The following KCNQ5 variants were observed in gnomAD, a reference collection of about 807,000 sequenced individuals.
The protein encoded by KCNQ5 is potassium voltage-gated channel subfamily KQT member 5.
In KCNQ5, 30 loss-of-function variants were observed where a neutral mutation model predicts 98.2. The ratio of observed to expected loss-of-function variants is 0.31; its 90% CI spans 0.23 to 0.41. The LOEUF (loss-of-function observed/expected upper bound fraction) is 0.41, where lower values mean the gene tolerates loss of function less well. KCNQ5 is among the 10% of genes least tolerant of loss of function. The pLI is 1.00. For missense variants in KCNQ5, 835 were observed against 1,182.5 expected, an observed-to-expected ratio of 0.71 and a Z score of 4.31; for synonymous variants, 458 against 449.4, an observed-to-expected ratio of 1.02 and a Z score of -0.24.
chr6:73,004,430 G>A (rs1325901573), intron 2 of KCNQ5, among the ~76,000 whole-genome samples: 4 of 152,108 alleles, frequency 2.6e-5, no homozygotes, highest in Non-Finnish European at 4.4e-5. Flanking sequence ...TGAACATATG[G>A]CACCTCATAA....
rs138376795 is a variant in KCNQ5 at position 72,972,304 on chromosome 6, A to G, written c.399-31604A>G. ...TTTACTAGTGAATAGATGAATATCT[A>G]CTTGCCATTAAATATAGCAATTAAC... On this transcript the variant is annotated intron_variant, in intron 1 of 13. Coordinates refer to ENST00000370398, the MANE Select transcript of KCNQ5 (RefSeq NM_019842.4). Among the ~76,000 whole-genome samples, 7 of 152,314 alleles carry G rather than the reference A, an allele frequency of 4.6e-5. No homozygotes were observed. In the East Asian group the frequency reaches 1.3e-3, roughly 29 times the overall value.
chr6:72,822,284 T>C (rs1186412524), intron 1 of KCNQ5, among the ~76,000 whole-genome samples: 3 of 152,236 alleles, frequency 2.0e-5, no homozygotes, highest in East Asian at 3.8e-4. Flanking sequence ...GGTCAGCATC[T>C]GCCACTGTAT....
chr6:72,976,191 T>C lies in KCNQ5; in HGVS notation c.399-27717T>C, dbSNP rs182240743. Among the ~76,000 whole-genome samples the C allele has an allele frequency of 7.5e-3, 1,147 of 152,344 alleles. 9 individuals carry two copies. The highest frequency in any genetic ancestry group is 0.012 in the Non-Finnish European group (787 of 68,028). On this transcript the variant is annotated intron_variant, in intron 1 of 13. Coordinates refer to ENST00000370398, the MANE Select transcript of KCNQ5 (RefSeq NM_019842.4). Reference sequence around the variant, plus strand: ...TGTACTCCAGAGTTTCTATTTTTCATTTTCAGATAATGTAATGGTTATTAT... The same window carrying C: ...TGTACTCCAGAGTTTCTATTTTTCACTTTCAGATAATGTAATGGTTATTAT...
intron 1 of KCNQ5, among the ~76,000 whole-genome samples, chr6:72,973,900 A>G (rs9446800): frequency 0.053 from 8,085 of 152,292 alleles, 727 homozygotes; most frequent in African/African-American, 0.19. Flanking sequence ...AACATTCAAC[A>G]GTGTACATAA....
intron 1 of KCNQ5, among the ~76,000 whole-genome samples, chr6:72,972,389 A>G (rs1220788404): frequency 2.6e-5 from 4 of 152,094 alleles, no homozygotes; most frequent in Non-Finnish European, 5.9e-5. Context: ...TTCTGAAAAA[A>G]CAAATGGAAT....
chr6:73,075,448 C>T (rs1773494688), intron 3 of KCNQ5, among the ~76,000 whole-genome samples: 1 of 152,114 alleles, frequency 6.6e-6, no homozygotes. Flanking sequence ...GTCTCGATCT[C>T]CTGACCTCAT....
intron 10 of KCNQ5, among the ~76,000 whole-genome samples, chr6:73,160,746 T>C (rs1777587771): frequency 6.6e-6 from 1 of 152,228 alleles, no homozygotes; most frequent in South Asian, 2.1e-4. Flanking sequence ...ATGTCATTTT[T>C]CTACCTACAA....
chr6:72,757,954 G>A (rs1772053677), intron 1 of KCNQ5, among the ~76,000 whole-genome samples: 2 of 152,156 alleles, frequency 1.3e-5, no homozygotes, highest in Non-Finnish European at 1.5e-5. Flanking sequence ...CAAGCATGAA[G>A]CAGAGACTTC....
At chr6:73,038,056 T>C (rs938383106) in intron 2 of KCNQ5, among the ~76,000 whole-genome samples, 1 of 152,134 alleles carries the variant, frequency 6.6e-6, no homozygotes, top group South Asian at 2.1e-4. Context: ...TTCTTTTATC[T>C]GCATTTCATA....
At chr6:72,800,914 G>A (rs62412466) in intron 1 of KCNQ5, among the ~76,000 whole-genome samples, 43,360 of 151,144 alleles carry the variant, frequency 0.29, 6,206 homozygotes, top group South Asian at 0.38. Context: ...AGGTTGTTCA[G>A]TTTCCATGTA....
intron 1 of KCNQ5, among the ~76,000 whole-genome samples, chr6:72,850,497 C>A (rs1012754905): frequency 3.2e-4 from 48 of 152,296 alleles, no homozygotes; most frequent in African/African-American, 1.2e-3. Context: ...CATTGTAACT[C>A]CTGGAAAAGA....
chr6:72,734,078 C>G (rs1314920958), intron 1 of KCNQ5, among the ~76,000 whole-genome samples: 1 of 152,144 alleles, frequency 6.6e-6, no homozygotes, highest in Non-Finnish European at 1.5e-5. Context: ...GACAAAAGAC[C>G]AACATGGTTA....
intron 1 of KCNQ5, among the ~76,000 whole-genome samples, chr6:72,861,692 T>C (rs1777768772): frequency 1.3e-5 from 2 of 152,106 alleles, no homozygotes; most frequent in South Asian, 4.1e-4. Context: ...CTGTACCAAA[T>C]TGTCTGTTGT....
At chr6:73,145,826 C>T (rs556915832) in intron 10 of KCNQ5, among the ~76,000 whole-genome samples, 1 of 152,230 alleles carries the variant, frequency 6.6e-6, no homozygotes, top group East Asian at 1.9e-4. Context: ...AGTTCCACAA[C>T]CTGTACAGGA....
intron 1 of KCNQ5, among the ~76,000 whole-genome samples, chr6:72,963,235 G>A (rs188816279): frequency 3.4e-4 from 52 of 152,220 alleles, no homozygotes; most frequent in African/African-American, 1.2e-3. Flanking sequence ...AGCTTTGCTT[G>A]CTAAAAAGTA....
At chr6:72,854,771 T>TGG (rs1562026581) in intron 1 of KCNQ5, among the ~76,000 whole-genome samples, 1 of 145,850 alleles carries the variant, frequency 6.9e-6, no homozygotes, top group East Asian at 2.1e-4. Flanking sequence ...TGTGTGTGTG[T>TGG]GTGTGTGTGT....
intron 1 of KCNQ5, among the ~76,000 whole-genome samples, chr6:72,690,016 A>G (rs578148072): frequency 6.6e-6 from 1 of 152,252 alleles, no homozygotes; most frequent in African/African-American, 2.4e-5. Flanking sequence ...GCTTACGTCT[A>G]TAATTCCAGC....
chr6:72,846,195 A>G (rs1418839606), intron 1 of KCNQ5, among the ~76,000 whole-genome samples: 1 of 152,162 alleles, frequency 6.6e-6, no homozygotes, highest in Admixed American at 6.6e-5. Flanking sequence ...AACTAAACAA[A>G]CACATCACAT....
chr6:72,931,974 C>G (rs1430270688), intron 1 of KCNQ5, among the ~76,000 whole-genome samples: 3 of 152,106 alleles, frequency 2.0e-5, no homozygotes, highest in Non-Finnish European at 4.4e-5. Flanking sequence ...ACCCACCAGG[C>G]ACTGGAAGAG....
Sources: gnomAD v4.1 joint callset for allele counts (sites outside exome capture counted in the v4.1 genomes callset) on GRCh38, gnomAD v4.1.1 for gene constraint, MANE v1.5 for transcripts, NCBI Gene and HGNC (gene_info 2026-07-23, HGNC 2026-07-21) for gene names.